The following ZMYND11 variants were observed in gnomAD, a reference collection of about 807,000 sequenced individuals.
The protein encoded by ZMYND11 is zinc finger MYND-type containing 11.
Under a neutral mutation model 84.9 loss-of-function variants are expected in ZMYND11, and 9 were observed. The observed-to-expected ratio is 0.11, with a 90% confidence interval of 0.06 to 0.18. The LOEUF is 0.18. Among genes scored for constraint, ZMYND11 ranks in the 10% least tolerant of loss-of-function variants. ZMYND11 has a pLI of 1.00. For synonymous variants in ZMYND11, 250 were observed against 244.1 expected (o/e 1.02, Z -0.23); for missense variants, 409 against 761.0 (o/e 0.54, Z 5.44).
intron 3 of ZMYND11, among the ~76,000 whole-genome samples, chr10:210,417 G>A (rs564389151): frequency 2.2e-4 from 34 of 152,294 alleles, no homozygotes; most frequent in African/African-American, 7.7e-4. Flanking sequence ...GGGATGAACC[G>A]TCTTCCTAGG....
At chr10:242,184 A>C in intron 10 of ZMYND11, 45 bp downstream of exon 10, 5 of 1,602,202 alleles carry the variant, frequency 3.1e-6, no homozygotes, top group Non-Finnish European at 4.3e-6. Flanking sequence ...GTGCTTATGA[A>C]GTCCTTAAGA....
intron 3 of ZMYND11, among the ~76,000 whole-genome samples, chr10:217,197 G>T (rs1946324499): frequency 6.6e-6 from 1 of 152,078 alleles, no homozygotes; most frequent in African/African-American, 2.4e-5. Flanking sequence ...CTTCGGTTTG[G>T]TCTCTAAGTC....
intron 4 of ZMYND11, among the ~76,000 whole-genome samples, chr10:234,542 C>T (rs1949591165): frequency 6.6e-6 from 1 of 152,196 alleles, no homozygotes; most frequent in Non-Finnish European, 1.5e-5. Context: ...GATAGTATTA[C>T]AAGACTTCTA....
chr10:152,466 A>G (rs528369977), intron 1 of ZMYND11, among the ~76,000 whole-genome samples: 3 of 152,134 alleles, frequency 2.0e-5, no homozygotes, highest in African/African-American at 4.8e-5. Flanking sequence ...AAAGAGACAA[A>G]GCCATTACAT....
At chr10:181,571 G>C (rs1441759695) in intron 2 of ZMYND11, among the ~76,000 whole-genome samples, 1 of 152,106 alleles carries the variant, frequency 6.6e-6, no homozygotes, top group African/African-American at 2.4e-5. Flanking sequence ...GTGAGCCGAG[G>C]AAAGGCCACT....
At chr10:237,437 G>T in intron 5 of ZMYND11, 148 bp from the exon 6 acceptor site, 1 of 476,944 alleles carries the variant, frequency 2.1e-6, no homozygotes, top group South Asian at 4.0e-5. Context: ...GAGCCCAGGA[G>T]TTCAAGACCA....
At chr10:150,506 CTTCT>C (rs1463067175) in intron 1 of ZMYND11, among the ~76,000 whole-genome samples, 1 of 151,890 alleles carries the variant, frequency 6.6e-6, no homozygotes, top group Non-Finnish European at 1.5e-5. Context: ...TCTCTTTTTT[CTTCT>C]TTATTAGTCT....
chr10:176,981 T>C (rs150996090), intron 1 of ZMYND11, among the ~76,000 whole-genome samples: 1 of 152,336 alleles, frequency 6.6e-6, no homozygotes, highest in East Asian at 1.9e-4. Flanking sequence ...ATCAGCTCTC[T>C]GTACCCAGGA....
intron 14 of ZMYND11, 114 bp downstream of exon 14, chr10:249,202 A>T: frequency 1.3e-6 from 2 of 1,535,562 alleles, no homozygotes; most frequent in South Asian, 2.6e-5. Context: ...AAATAAGATC[A>T]AATGTGAAAT....
intron 1 of ZMYND11, among the ~76,000 whole-genome samples, chr10:161,371 C>A (rs1334457873): frequency 6.6e-6 from 1 of 152,204 alleles, no homozygotes; most frequent in Non-Finnish European, 1.5e-5. Context: ...TCCATCTACA[C>A]AACACGGGCA....
intron 10 of ZMYND11, among the ~76,000 whole-genome samples, chr10:242,753 T>G (rs1165065129): frequency 2.6e-5 from 4 of 152,182 alleles, no homozygotes; most frequent in Non-Finnish European, 4.4e-5. Context: ...AGGTTATTAG[T>G]GCATAGAGAA....
chr10:141,251 G>T (rs1433497377), intron 1 of ZMYND11, among the ~76,000 whole-genome samples: 4 of 152,038 alleles, frequency 2.6e-5, no homozygotes, highest in African/African-American at 7.2e-5. Flanking sequence ...TTAATATCTT[G>T]ACCCCATTTA....
At chr10:222,558 C>CT (rs1947304861) in intron 4 of ZMYND11, among the ~76,000 whole-genome samples, 1 of 152,120 alleles carries the variant, frequency 6.6e-6, no homozygotes, top group Admixed American at 6.6e-5. Context: ...AAGTGGTGCT[C>CT]TAAGTTTCAC....
At chr10:242,351 T>C (rs1372932624) in intron 10 of ZMYND11, among the ~76,000 whole-genome samples, 1 of 152,222 alleles carries the variant, frequency 6.6e-6, no homozygotes, top group Non-Finnish European at 1.5e-5. Context: ...ACTGACACTG[T>C]TGAACTTCAG....
intron 8 of ZMYND11, 101 bp from the exon 9 acceptor site, chr10:240,792 C>CG: frequency 1.1e-6 from 1 of 904,626 alleles, no homozygotes; most frequent in South Asian, 1.7e-5. Flanking sequence ...AAATTCAACA[C>CG]TATTTATATA....
chr10:252,537 A>C lies in ZMYND11; in HGVS notation c.*67A>C. 2 of 1,530,228 alleles carry C rather than the reference A, an allele frequency of 1.3e-6. No individual in the cohort carries two copies. The highest frequency in any genetic ancestry group is 4.7e-5 in the East Asian group (2 of 42,910). The allele number at this position is 1,530,228 out of a possible 1,614,324, so 94.8% of individuals were successfully genotyped here. On this transcript the variant is annotated 3_prime_UTR_variant, in exon 15 of 15. Coordinates refer to ENST00000381604, the MANE Select transcript of ZMYND11 (RefSeq NM_001370100.5). The surrounding 1 kb of genome is among the most constrained non-coding windows in gnomAD (Gnocchi z 4.6). ...AGACACAGCGGTTTTTGTTTCCAAGAAGCCAAAATTGTTTAGAATTTGCTT... is the reference window on the plus strand; with the variant it reads ...AGACACAGCGGTTTTTGTTTCCAAGCAGCCAAAATTGTTTAGAATTTGCTT...
At chr10:179,056 G>A (rs921978278) in intron 1 of ZMYND11, among the ~76,000 whole-genome samples, 6 of 152,146 alleles carry the variant, frequency 3.9e-5, no homozygotes, top group Non-Finnish European at 7.3e-5. Flanking sequence ...AATGTTCACT[G>A]TATATTTAAG....
chr10:183,843 A>G (rs1443268941), intron 2 of ZMYND11, among the ~76,000 whole-genome samples: 2 of 152,132 alleles, frequency 1.3e-5, no homozygotes, highest in Non-Finnish European at 2.9e-5. Flanking sequence ...GCTTGTTATG[A>G]ACAAGATGTT....
intron 4 of ZMYND11, among the ~76,000 whole-genome samples, chr10:223,161 C>T (rs2436029): frequency 0.91 from 137,813 of 151,910 alleles, 63,146 homozygotes; most frequent in Non-Finnish European, 0.97. Context: ...TCCCGAGTAG[C>T]TGGGATTACA....
Sources: allele counts gnomAD v4.1 joint callset (sites outside exome capture counted in the v4.1 genomes callset), GRCh38; gene constraint gnomAD v4.1.1; non-coding constraint Gnocchi (gnomAD v3.1); transcripts MANE v1.5; gene names NCBI Gene and HGNC (gene_info 2026-07-23, HGNC 2026-07-21).